RNF180: variants seen among roughly 807,000 people sequenced by gnomAD.
RNF180 encodes ring finger protein 180.
RNF180 carries 38 observed loss-of-function variants against 59.2 expected under a neutral mutation model. The ratio of observed to expected loss-of-function variants is 0.64; its 90% confidence interval spans 0.50 to 0.84. The LOEUF (loss-of-function observed/expected upper bound fraction) is 0.84, where lower values mean the gene tolerates loss of function less well. Ranked by LOEUF, RNF180 falls within the 40% of genes least tolerant of loss-of-function variation. RNF180 has a pLI of 0.00. For synonymous variants in RNF180, 262 were observed against 240.3 expected (o/e 1.09, Z -0.84); for missense variants, 705 against 700.9 (o/e 1.01, Z -0.07).
intron 1 of RNF180, among the ~76,000 whole-genome samples, chr5:64,167,542 G>T (rs550539650): frequency 2.1e-4 from 32 of 152,002 alleles, no homozygotes; most frequent in African/African-American, 7.0e-4. Context: ...GCACTTTTTT[G>T]AGTGTGTCTG....
chr5:64,168,391 G>C (rs1409881567), intron 1 of RNF180, among the ~76,000 whole-genome samples: 1 of 152,184 alleles, frequency 6.6e-6, no homozygotes, highest in Non-Finnish European at 1.5e-5. Context: ...GACATTGTTA[G>C]AATTTGCAAC....
chr5:64,294,847 A>G (rs533995836), intron 5 of RNF180, among the ~76,000 whole-genome samples: 31 of 152,298 alleles, frequency 2.0e-4, no homozygotes, highest in African/African-American at 7.5e-4. Flanking sequence ...ACTGAATTGT[A>G]ACAAATGCAG....
At chr5:64,208,402 A>G (rs756847159) in intron 2 of RNF180, among the ~76,000 whole-genome samples, 7 of 151,994 alleles carry the variant, frequency 4.6e-5, no homozygotes, top group Non-Finnish European at 1.0e-4. Flanking sequence ...TTGTTGTGCT[A>G]ATACTTTGAT....
intron 4 of RNF180, among the ~76,000 whole-genome samples, chr5:64,216,481 T>C (rs1188597986): frequency 6.6e-6 from 1 of 152,152 alleles, no homozygotes; most frequent in Non-Finnish European, 1.5e-5. Flanking sequence ...ACATACAATA[T>C]GTAAAGTAAA....
Position 64,371,019 on chromosome 5 carries a change from T to G in RNF180, c.*1205T>G, listed in dbSNP as rs1487719232. The G allele has an allele frequency of 1.3e-5, 2 of 151,736 alleles. No individual in the cohort carries two copies. The highest frequency in any genetic ancestry group is 3.0e-5 in the Non-Finnish European group (2 of 67,732). The allele number at this position is 151,736 out of a possible 1,614,324, so 9.4% of individuals were successfully genotyped here. ...AAAAACATTGGGATCAACTGGGCTTTAACAGTTTCAATCTATGAAAAGCCA... is the reference window on the plus strand; with the variant it reads ...AAAAACATTGGGATCAACTGGGCTTGAACAGTTTCAATCTATGAAAAGCCA... On this transcript the variant is annotated 3_prime_UTR_variant, in exon 8 of 8. Coordinates refer to ENST00000389100, the MANE Select transcript of RNF180 (RefSeq NM_001113561.2).
At chr5:64,343,596 GAAAA>G (rs541556659) in intron 7 of RNF180, among the ~76,000 whole-genome samples, 1 of 151,070 alleles carries the variant, frequency 6.6e-6, no homozygotes, top group East Asian at 2.0e-4. Context: ...CAAATATAAA[GAAAA>G]AAATCTTAAA....
intron 5 of RNF180, among the ~76,000 whole-genome samples, chr5:64,264,881 C>T (rs1380954070): frequency 6.6e-6 from 1 of 152,188 alleles, no homozygotes; most frequent in East Asian, 1.9e-4. Flanking sequence ...ACATCCTCTC[C>T]AGCATCTGTT....
At chr5:64,366,516 G>A (rs965613632) in intron 7 of RNF180, among the ~76,000 whole-genome samples, 4 of 151,556 alleles carry the variant, frequency 2.6e-5, no homozygotes, top group Admixed American at 6.6e-5. Flanking sequence ...AGGAGTTCTC[G>A]TGGATGATCT....
At chr5:64,256,399 C>A (rs1743964880) in intron 5 of RNF180, among the ~76,000 whole-genome samples, 1 of 152,102 alleles carries the variant, frequency 6.6e-6, no homozygotes, top group Admixed American at 6.6e-5. Context: ...GAAGGGAATC[C>A]AGTTTCAGCT....
chr5:64,262,815 G>A (rs1744422534), intron 5 of RNF180, among the ~76,000 whole-genome samples: 2 of 152,226 alleles, frequency 1.3e-5, no homozygotes, highest in Non-Finnish European at 1.5e-5. Flanking sequence ...TGAGCCACAG[G>A]TACTTTTTAT....
At chr5:64,259,872 G>T (rs1184454186) in intron 5 of RNF180, among the ~76,000 whole-genome samples, 1 of 152,040 alleles carries the variant, frequency 6.6e-6, no homozygotes, top group Non-Finnish European at 1.5e-5. Flanking sequence ...GGTGAGCCAA[G>T]ATCACGCCAT....
At chr5:64,364,608 G>A (rs548697071) in intron 7 of RNF180, among the ~76,000 whole-genome samples, 1 of 151,558 alleles carries the variant, frequency 6.6e-6, no homozygotes, top group Non-Finnish European at 1.5e-5. Context: ...TTGGGAAGGA[G>A]TCTCTCCTCA....
At chr5:64,228,403 A>G (rs760627480) in intron 5 of RNF180, among the ~76,000 whole-genome samples, 1 of 152,154 alleles carries the variant, frequency 6.6e-6, no homozygotes, top group African/African-American at 2.4e-5. Context: ...AGTCCCAGCT[A>G]CTGGAGAGGA....
chr5:64,247,312 G>T (rs1298169796), intron 5 of RNF180, among the ~76,000 whole-genome samples: 1 of 152,162 alleles, frequency 6.6e-6, no homozygotes, highest in Non-Finnish European at 1.5e-5. Context: ...AGGAAGAGAG[G>T]AAGTCAAATT....
intron 5 of RNF180, among the ~76,000 whole-genome samples, chr5:64,232,857 C>G (rs1359609349): frequency 6.6e-6 from 1 of 152,118 alleles, no homozygotes; most frequent in Admixed American, 6.5e-5. Flanking sequence ...TTTATTATTG[C>G]CATTTTACAG....
chr5:64,317,266 T>C (rs1744090027), intron 5 of RNF180, among the ~76,000 whole-genome samples: 1 of 152,186 alleles, frequency 6.6e-6, no homozygotes, highest in South Asian at 2.1e-4. Context: ...TTTTTTTGTT[T>C]CCCAGTGCAT....
intron 1 of RNF180, among the ~76,000 whole-genome samples, chr5:64,168,048 C>T (rs534221762): frequency 6.6e-6 from 1 of 152,122 alleles, no homozygotes; most frequent in Non-Finnish European, 1.5e-5. Flanking sequence ...AAGTAGTCAC[C>T]TCAGGAGGCT....
At chr5:64,314,784 A>C (rs1028652071) in intron 5 of RNF180, among the ~76,000 whole-genome samples, 3 of 152,194 alleles carry the variant, frequency 2.0e-5, no homozygotes, top group Non-Finnish European at 2.9e-5. Flanking sequence ...CTGCTTCTGC[A>C]TGCAGTCTAT....
At chr5:64,276,802 T>A (rs1741744588) in intron 5 of RNF180, among the ~76,000 whole-genome samples, 1 of 152,132 alleles carries the variant, frequency 6.6e-6, no homozygotes, top group Non-Finnish European at 1.5e-5. Context: ...AAAACCAGCG[T>A]ATTTTATTCC....
Sources: allele counts gnomAD v4.1 joint callset (sites outside exome capture counted in the v4.1 genomes callset), GRCh38; gene constraint gnomAD v4.1.1; transcripts MANE v1.5; gene names NCBI Gene and HGNC (gene_info 2026-07-23, HGNC 2026-07-21).